ARHGAP10: variants seen among roughly 807,000 people sequenced by gnomAD.
ARHGAP10 encodes the protein rho GTPase-activating protein 10.
ARHGAP10 carries 87 observed loss-of-function variants against 108.6 expected under a neutral mutation model. That is an observed-to-expected ratio of 0.80 (90% confidence interval 0.67 to 0.96). The LOEUF (loss-of-function observed/expected upper bound fraction) is 0.96. Ranked by LOEUF, ARHGAP10 falls within the 40% of genes least tolerant of loss-of-function variation. The probability of loss-of-function intolerance (pLI) is 0.00; values close to 1 mark genes in which losing one functional copy is unlikely to be tolerated. For missense variants in ARHGAP10, 939 were observed against 954.5 expected (o/e 0.98, Z 0.21); for synonymous variants, 347 against 341.1 (o/e 1.02, Z -0.19).
At chr4:147,790,642 G>A (rs924844830) in intron 1 of ARHGAP10, among the ~76,000 whole-genome samples, 18 of 152,160 alleles carry the variant, frequency 1.2e-4, no homozygotes, top group African/African-American at 3.9e-4. Context: ...GTGCCAAAGG[G>A]ATAATAAAAA....
chr4:147,858,648 GCT>G (rs1734194627), intron 5 of ARHGAP10, among the ~76,000 whole-genome samples: 1 of 152,218 alleles, frequency 6.6e-6, no homozygotes, highest in Admixed American at 6.5e-5. Flanking sequence ...TTTGGGTAGG[GCT>G]CTGTTCTCTC....
intron 1 of ARHGAP10, among the ~76,000 whole-genome samples, chr4:147,772,010 T>TTGATCTCTTGACCTCGGGATCTGCCC (rs1187326047): frequency 4.6e-5 from 7 of 152,202 alleles, no homozygotes; most frequent in African/African-American, 1.7e-4. Flanking sequence ...CAGGATGGTC[T>TTGATCTCTTGACCTCGGGATCTGCCC]TGATCTCTTG....
chr4:147,934,939 A>T (rs932770499), intron 13 of ARHGAP10, among the ~76,000 whole-genome samples: 5 of 152,108 alleles, frequency 3.3e-5, no homozygotes, highest in Admixed American at 2.6e-4. Context: ...CAAAAAGGGG[A>T]TTTTTATCCG....
At chr4:147,927,456 A>G (rs1737506443) in intron 13 of ARHGAP10, among the ~76,000 whole-genome samples, 1 of 152,212 alleles carries the variant, frequency 6.6e-6, no homozygotes, top group African/African-American at 2.4e-5. Flanking sequence ...GCATATGACA[A>G]TATATTAAAA....
chr4:148,033,243 A>G (rs897693882), intron 19 of ARHGAP10, among the ~76,000 whole-genome samples: 2 of 152,154 alleles, frequency 1.3e-5, no homozygotes, highest in African/African-American at 4.8e-5. Context: ...GTATGGATGT[A>G]CTTATAAGAG....
chr4:147,888,100 G>A (rs952456722), intron 10 of ARHGAP10, among the ~76,000 whole-genome samples: 8 of 152,050 alleles, frequency 5.3e-5, no homozygotes, highest in Admixed American at 3.9e-4. Context: ...ACTCCCTCTC[G>A]CATCACTGGC....
chr4:147,978,997 G>A (rs977671064), intron 18 of ARHGAP10, among the ~76,000 whole-genome samples: 2 of 151,934 alleles, frequency 1.3e-5, no homozygotes, highest in Admixed American at 6.6e-5. Flanking sequence ...ATTTTCTCCC[G>A]TTTTGTAGAT....
intron 20 of ARHGAP10, among the ~76,000 whole-genome samples, chr4:148,055,869 A>T (rs1729341773): frequency 6.6e-6 from 1 of 152,040 alleles, no homozygotes; most frequent in Admixed American, 6.5e-5. Context: ...CGAACAGGGG[A>T]GCCCCGCACC....
At chr4:148,069,783 G>T (rs1047772180) in intron 22 of ARHGAP10, among the ~76,000 whole-genome samples, 6 of 152,140 alleles carry the variant, frequency 3.9e-5, no homozygotes, top group African/African-American at 1.4e-4. Context: ...CTCCTCTAGG[G>T]CTCTGACTTC....
At position 148,021,311 on chromosome 4, in the gene ARHGAP10, A is replaced by G. The variant is rs149393139; in HGVS notation, c.1717-1952A>G. Among the ~76,000 whole-genome samples, 4 of 152,252 alleles carry G rather than the reference A, an allele frequency of 2.6e-5. No individual in the cohort carries two copies. In the East Asian group the frequency reaches 7.7e-4, roughly 29 times the overall value. On this transcript the variant is annotated intron_variant, in intron 18 of 22. Transcript: ENST00000336498. Reference sequence around the variant, plus strand: ...ACCCTCACTTCAAACTGGAGGAAAGAGGTGGGGCAGTTTTCAGCATTTGCG... The same window carrying G: ...ACCCTCACTTCAAACTGGAGGAAAGGGGTGGGGCAGTTTTCAGCATTTGCG...
intron 1 of ARHGAP10, among the ~76,000 whole-genome samples, chr4:147,781,701 A>G (rs1309551627): frequency 1.6e-5 from 2 of 128,050 alleles, no homozygotes; most frequent in Non-Finnish European, 3.1e-5. Flanking sequence ...TTTTTTTGAG[A>G]CAGTCTTGCT....
intron 10 of ARHGAP10, among the ~76,000 whole-genome samples, chr4:147,893,869 C>T (rs531357932): frequency 6.6e-6 from 1 of 152,056 alleles, no homozygotes; most frequent in African/African-American, 2.4e-5. Context: ...GTATATAGGT[C>T]TCTGTGTTTT....
chr4:147,754,795 A>T (rs1450665541), intron 1 of ARHGAP10, among the ~76,000 whole-genome samples: 1 of 152,142 alleles, frequency 6.6e-6, no homozygotes, highest in Non-Finnish European at 1.5e-5. Context: ...GAAGTCCCTG[A>T]AGAAATATTA....
At position 147,965,096 on chromosome 4, in the gene ARHGAP10, A is replaced by G. The variant is rs1739156133; in HGVS notation, c.1523A>G (p.Glu508Gly). 1.9e-6 allele frequency: 3 copies of G among 1,606,838 alleles called. No individual in the cohort carries two copies. The African/African-American group carries it at 4.0e-5, about 22-fold the overall frequency. The change falls in exon 17 of 23, where the codon GAG becomes GGG. Residue 508 changes from glutamate to glycine, a missense_variant. Coordinates refer to ENST00000336498, the MANE Select transcript of ARHGAP10 (RefSeq NM_024605.4). The stretch of plus-strand genomic sequence containing the variant: ...CACAAACTGCCAGAGAAGAATAAAG[A>G]GATGTTGGATATTTTGGTGAAACAC... ...LVHKLPEKNK[E>G]MLDILVKHLT...
chr4:148,064,577 G>A, intron 22 of ARHGAP10, 70 bp downstream of exon 22: 3 of 1,379,054 alleles, frequency 2.2e-6, no homozygotes, highest in East Asian at 2.3e-5. Flanking sequence ...CATGGAGTGA[G>A]CAGTCAGCGA....
intron 13 of ARHGAP10, among the ~76,000 whole-genome samples, chr4:147,936,710 G>C (rs1057398757): frequency 6.6e-6 from 1 of 152,188 alleles, no homozygotes; most frequent in Non-Finnish European, 1.5e-5. Context: ...GTTCTGAGTA[G>C]ACTTAGGTAG....
intron 1 of ARHGAP10, among the ~76,000 whole-genome samples, chr4:147,784,553 TTATA>T (rs1457046586): frequency 4.3e-5 from 5 of 116,512 alleles, no homozygotes; most frequent in African/African-American, 1.8e-4. Context: ...ATAGTATATA[TTATA>T]TATATTATGC....
intron 4 of ARHGAP10, among the ~76,000 whole-genome samples, chr4:147,848,013 G>A (rs1242178618): frequency 6.6e-6 from 1 of 151,876 alleles, no homozygotes; most frequent in Non-Finnish European, 1.5e-5. Flanking sequence ...CAAGGAGAGG[G>A]GAATTAACAT....
intron 3 of ARHGAP10, among the ~76,000 whole-genome samples, chr4:147,830,424 C>G (rs1732902441): frequency 6.6e-6 from 1 of 151,728 alleles, no homozygotes; most frequent in South Asian, 2.1e-4. Context: ...GGACTTTTGA[C>G]ACGGATTTTT....
Sources: gnomAD v4.1 joint callset for allele counts (sites outside exome capture counted in the v4.1 genomes callset) on GRCh38, gnomAD v4.1.1 for gene constraint, MANE v1.5 for transcripts, NCBI Gene and HGNC (gene_info 2026-07-23, HGNC 2026-07-21) for gene names.